PALS1: variants seen among roughly 807,000 people sequenced by gnomAD.
PALS1 encodes the protein protein PALS1.
A neutral mutation model predicts 78.9 loss-of-function variants in PALS1; 31 were observed. The ratio of observed to expected loss-of-function variants is 0.39; its 90% CI spans 0.30 to 0.53. PALS1 has a LOEUF of 0.53. Ranked by LOEUF, PALS1 falls within the 20% of genes least tolerant of loss-of-function variation. The pLI, the probability that PALS1 is intolerant of heterozygous loss-of-function variation, is 0.67. For synonymous variants in PALS1, 276 were observed against 270.9 expected, an observed-to-expected ratio of 1.02 and a Z score of -0.18; for missense variants, 704 against 826.5, an observed-to-expected ratio of 0.85 and a Z score of 1.82.
At chr14:67,309,062 C>T (rs950166365) in intron 8 of PALS1, among the ~76,000 whole-genome samples, 1 of 152,102 alleles carries the variant, frequency 6.6e-6, no homozygotes, top group African/African-American at 2.4e-5. Flanking sequence ...AACAGTTCTA[C>T]AATTTGAAAT....
chr14:67,310,539 T>C (rs1032177213), intron 8 of PALS1, among the ~76,000 whole-genome samples: 1 of 152,198 alleles, frequency 6.6e-6, no homozygotes, highest in East Asian at 1.9e-4. Context: ...ATGCTAGTTA[T>C]ACAGGTCTGT....
intron 5 of PALS1, 88 bp from the exon 6 acceptor site, chr14:67,301,884 G>T: frequency 3.7e-6 from 5 of 1,347,802 alleles, no homozygotes; most frequent in South Asian, 1.7e-5. Context: ...AGATTTAATG[G>T]TCAGAATACT....
intron 8 of PALS1, among the ~76,000 whole-genome samples, chr14:67,309,307 T>C (rs1388563080): frequency 6.6e-6 from 1 of 152,212 alleles, no homozygotes; most frequent in Non-Finnish European, 1.5e-5. Flanking sequence ...GTGGAATATA[T>C]GGATAAAAGT....
chr14:67,279,654 A>G lies in PALS1; in HGVS notation c.367+117A>G, dbSNP rs1162514244. The G allele has an allele frequency of 4.9e-6, 5 of 1,023,002 alleles. No individual in the cohort carries two copies. The African/African-American group carries it at 8.1e-5, about 17-fold the overall frequency. The allele number at this position is 1,023,002 out of a possible 1,614,324, so 63.4% of individuals were successfully genotyped here. Reference sequence around the variant, plus strand: ...TGTAAGTAATGACAGTTTGAATTCCAGACCAAGATCCTTTGTTTTCGTGGA... The same window carrying G: ...TGTAAGTAATGACAGTTTGAATTCCGGACCAAGATCCTTTGTTTTCGTGGA... On this transcript the variant is annotated intron_variant, in intron 3 of 14. Coordinates refer to ENST00000261681, the MANE Select transcript of PALS1 (RefSeq NM_022474.4).
intron 1 of PALS1, among the ~76,000 whole-genome samples, chr14:67,242,274 A>T (rs922278268): frequency 2.6e-5 from 4 of 152,218 alleles, no homozygotes; most frequent in African/African-American, 9.6e-5. Context: ...TTGGCAGTTT[A>T]TGCTAAAATT....
chr14:67,270,007 A>G (rs2084385216), intron 2 of PALS1: 1 of 152,184 alleles, frequency 6.6e-6, no homozygotes, highest in African/African-American at 2.4e-5. Context: ...GAACATGTTT[A>G]TGCGTATGAA....
At chr14:67,322,492 A>T (rs2085277300) in intron 13 of PALS1, among the ~76,000 whole-genome samples, 1 of 152,198 alleles carries the variant, frequency 6.6e-6, no homozygotes, top group Non-Finnish European at 1.5e-5. Flanking sequence ...TGCTCATGTC[A>T]AATTAGGCAA....
At chr14:67,304,491 A>C (rs867461383) in intron 8 of PALS1, among the ~76,000 whole-genome samples, 5 of 152,320 alleles carry the variant, frequency 3.3e-5, no homozygotes, top group South Asian at 4.1e-4. Flanking sequence ...TATATGCTAC[A>C]ACATGGATGA....
At chr14:67,315,657 G>A (rs2140966534) in intron 9 of PALS1, among the ~76,000 whole-genome samples, 1 of 152,336 alleles carries the variant, frequency 6.6e-6, no homozygotes, top group South Asian at 2.1e-4. Context: ...CGTGCACAGT[G>A]GCTCATGCCC....
intron 1 of PALS1, among the ~76,000 whole-genome samples, chr14:67,260,232 G>A (rs552748370): frequency 8.5e-5 from 13 of 152,152 alleles, no homozygotes; most frequent in Non-Finnish European, 1.3e-4. Flanking sequence ...ATTCCTCTAC[G>A]GCCATACCAC....
At chr14:67,323,036 T>C (rs1395146533) in intron 13 of PALS1, among the ~76,000 whole-genome samples, 2 of 152,176 alleles carry the variant, frequency 1.3e-5, no homozygotes. Context: ...TTCTAATTGC[T>C]CCAAAATTGA....
intron 9 of PALS1, among the ~76,000 whole-genome samples, chr14:67,314,766 T>C (rs2085142624): frequency 1.3e-5 from 2 of 152,238 alleles, no homozygotes. Context: ...TGACGATGGC[T>C]TTCCATCAGA....
chr14:67,249,034 C>G (rs1203696752), intron 1 of PALS1, among the ~76,000 whole-genome samples: 1 of 151,864 alleles, frequency 6.6e-6, no homozygotes, highest in East Asian at 1.9e-4. Flanking sequence ...ATGATCTCAG[C>G]TCACTGCAAC....
chr14:67,280,704 A>G (rs1429943392), intron 3 of PALS1, among the ~76,000 whole-genome samples: 1 of 152,190 alleles, frequency 6.6e-6, no homozygotes, highest in Non-Finnish European at 1.5e-5. Flanking sequence ...TACCCAGAAT[A>G]GAGCACCTTT....
intron 3 of PALS1, 183 bp downstream of exon 3, chr14:67,279,720 T>TA (rs1169639299): frequency 2.2e-5 from 11 of 497,358 alleles, no homozygotes; most frequent in Non-Finnish European, 3.0e-5. Context: ...AACATAGAGC[T>TA]AAAAGCATGT....
At chr14:67,278,988 C>A (rs2084556737) in intron 2 of PALS1, 30 bp from the exon 3 acceptor site, 1 of 533,872 alleles carries the variant, frequency 1.9e-6, no homozygotes, top group Non-Finnish European at 3.1e-6. Context: ...GTAATTCTTA[C>A]ACTTTTTTCC....
At chr14:67,263,755 T>C (rs1046233878) in intron 1 of PALS1, among the ~76,000 whole-genome samples, 1 of 152,216 alleles carries the variant, frequency 6.6e-6, no homozygotes. Context: ...TGAGAAGATA[T>C]ATAGGAAACT....
chr14:67,250,032 C>G (rs1266814666), intron 1 of PALS1, among the ~76,000 whole-genome samples: 2 of 152,062 alleles, frequency 1.3e-5, no homozygotes, highest in Non-Finnish European at 2.9e-5. Context: ...TAAAGCTGTT[C>G]TATTTTGTTT....
At chr14:67,322,815 T>C (rs935266727) in intron 13 of PALS1, among the ~76,000 whole-genome samples, 1 of 152,240 alleles carries the variant, frequency 6.6e-6, no homozygotes, top group African/African-American at 2.4e-5. Context: ...AGCAATGGCA[T>C]ATTCCTATAA....
Sources: gnomAD v4.1 joint callset for allele counts (sites outside exome capture counted in the v4.1 genomes callset) on GRCh38, gnomAD v4.1.1 for gene constraint, MANE v1.5 for transcripts, NCBI Gene and HGNC (gene_info 2026-07-23, HGNC 2026-07-21) for gene names.